The following PUDP variants were observed in gnomAD, a reference collection of about 807,000 sequenced individuals.
PUDP encodes the protein pseudouridine-5'-phosphatase.
Under a neutral mutation model 9.4 loss-of-function variants are expected in PUDP, and 8 were observed. The observed-to-expected ratio is 0.85, with a 90% CI of 0.50 to 1.53. The LOEUF is 1.53. PUDP is among the 40% of genes most tolerant of loss of function. PUDP has a pLI of 0.00. For synonymous variants in PUDP, 99 were observed against 80.7 expected, an observed-to-expected ratio of 1.23 and a Z score of -1.22; for missense variants, 188 against 189.7, an observed-to-expected ratio of 0.99 and a Z score of 0.05.
chrX:6,987,948 A>G (rs1008839594), intron 1 of PUDP, among the ~76,000 whole-genome samples: 1 of 111,708 alleles, frequency 9.0e-6, no homozygotes, highest in African/African-American at 3.3e-5. Context: ...TTTTGAGAAA[A>G]CTGAGGTTCT....
chrX:7,002,831 A>G (rs939662558), intron 1 of PUDP, among the ~76,000 whole-genome samples: 1 of 110,171 alleles, frequency 9.1e-6, no homozygotes, highest in Non-Finnish European at 1.9e-5. Context: ...ACAGGACAGA[A>G]CTATACGCAC....
intron 2 of PUDP, among the ~76,000 whole-genome samples, chrX:7,101,247 G>A (rs1931724139): frequency 9.0e-6 from 1 of 110,917 alleles, no homozygotes; most frequent in Non-Finnish European, 1.9e-5. Flanking sequence ...GCACACACAC[G>A]CGCACACACA....
chrX:7,059,747 G>T (rs1412216414), intron 3 of PUDP, among the ~76,000 whole-genome samples: 2 of 112,090 alleles, frequency 1.8e-5, no homozygotes, highest in African/African-American at 6.5e-5. Context: ...TCCACACATT[G>T]TCAGGACAGC....
chrX:7,117,413 T>C (rs1356586204), intron 1 of PUDP, among the ~76,000 whole-genome samples: 1 of 112,643 alleles, frequency 8.9e-6, no homozygotes, highest in African/African-American at 3.2e-5. Context: ...AGAACTTGGC[T>C]GCATTCTGTT....
chrX:6,827,777 A>C (rs1484506110), intron 3 of PUDP, among the ~76,000 whole-genome samples: 1 of 112,222 alleles, frequency 8.9e-6, no homozygotes, highest in Non-Finnish European at 1.9e-5. Flanking sequence ...TGAGTAGCTT[A>C]AACACAGAAG....
At chrX:6,874,780 T>A (rs1314487263) in intron 3 of PUDP, among the ~76,000 whole-genome samples, 1 of 112,389 alleles carries the variant, frequency 8.9e-6, no homozygotes, top group Non-Finnish European at 1.9e-5. Context: ...TATTGACTAA[T>A]GTTTCTTTTG....
intron 1 of PUDP, among the ~76,000 whole-genome samples, chrX:6,983,589 G>T (rs1395895955): frequency 1.8e-5 from 2 of 111,932 alleles, no homozygotes; most frequent in Non-Finnish European, 3.8e-5. Flanking sequence ...TTGGCTGGTG[G>T]TCTTTCATTT....
At chrX:7,037,012 C>T (rs1299142497) in intron 1 of PUDP, among the ~76,000 whole-genome samples, 3 of 112,076 alleles carry the variant, frequency 2.7e-5, no homozygotes, top group Non-Finnish European at 5.6e-5. Flanking sequence ...TTCTCATCTT[C>T]ATAAATCATG....
chrX:7,078,395 C>T (rs1486698260), intron 2 of PUDP, among the ~76,000 whole-genome samples: 2 of 112,007 alleles, frequency 1.8e-5, no homozygotes, highest in Non-Finnish European at 3.8e-5. Flanking sequence ...CAGGTTCAAG[C>T]GATTCTCCTG....
chrX:6,898,237 A>G lies in PUDP; in HGVS notation c.*247+78896T>C, dbSNP rs1407671934. Among the ~76,000 whole-genome samples the G allele has an allele frequency of 2.7e-5, 3 of 112,772 alleles. No homozygotes were observed. The Admixed American group carries it at 2.8e-4, about 11-fold the overall frequency. On this transcript the variant is annotated intron_variant and NMD_transcript_variant, in intron 3 of 3. Coordinates refer to the PUDP transcript ENST00000655425. The stretch of plus-strand genomic sequence containing the variant: ...TTCTGAGCATCCTCAGCTCCCCATC[A>G]TGGAAGTAGACACCTCTTGAAGGCA...
chrX:7,014,240 G>C (rs1385845759), intron 1 of PUDP, among the ~76,000 whole-genome samples: 8 of 110,283 alleles, frequency 7.3e-5, no homozygotes, highest in African/African-American at 2.3e-4. Context: ...ATGGGTACAG[G>C]ATAGGGGGAC....
intron 2 of PUDP, among the ~76,000 whole-genome samples, chrX:7,097,813 G>A (rs1487029623): frequency 9.0e-6 from 1 of 111,347 alleles, no homozygotes; most frequent in African/African-American, 3.3e-5. Flanking sequence ...GAAGACAACG[G>A]TGTAAGAAAA....
intron 3 of PUDP, among the ~76,000 whole-genome samples, chrX:7,059,481 A>G (rs150976605): frequency 1.8e-5 from 2 of 111,923 alleles, no homozygotes; most frequent in East Asian, 2.8e-4. Context: ...TGTGAAATCA[A>G]TTCATCTTAC....
At chrX:7,000,804 T>C (rs1371001743) in intron 1 of PUDP, among the ~76,000 whole-genome samples, 1 of 108,043 alleles carries the variant, frequency 9.3e-6, no homozygotes, top group Non-Finnish European at 1.9e-5. Flanking sequence ...TGATAAATAA[T>C]ACCTAGTTTA....
chrX:7,087,120 C>T (rs1201525851), intron 2 of PUDP, among the ~76,000 whole-genome samples: 2 of 111,747 alleles, frequency 1.8e-5, no homozygotes, highest in Non-Finnish European at 3.8e-5. Flanking sequence ...TCACCTAAAA[C>T]GTGGGAATAG....
chrX:6,803,612 C>A (rs779329890), intron 3 of PUDP, among the ~76,000 whole-genome samples: 1 of 112,365 alleles, frequency 8.9e-6, no homozygotes, highest in South Asian at 3.7e-4. Context: ...AACCTTATCT[C>A]AAATTTTGTC....
At chrX:7,058,238 T>C (rs1930303045) in intron 3 of PUDP, among the ~76,000 whole-genome samples, 1 of 112,425 alleles carries the variant, frequency 8.9e-6, no homozygotes, top group African/African-American at 3.2e-5. Context: ...TCATTGGAAC[T>C]AGTGAGCTTT....
At chrX:6,995,293 A>G (rs1292977939) in intron 1 of PUDP, among the ~76,000 whole-genome samples, 1 of 112,090 alleles carries the variant, frequency 8.9e-6, no homozygotes, top group East Asian at 2.8e-4. Context: ...CCTGTAAATG[A>G]ACCTAGGTAT....
At chrX:7,010,807 CA>C (rs1052088229) in intron 1 of PUDP, among the ~76,000 whole-genome samples, 3 of 111,892 alleles carry the variant, frequency 2.7e-5, no homozygotes, top group African/African-American at 9.8e-5. Flanking sequence ...GTAATGTGCC[CA>C]GCCCGGCCTT....
Sources: allele counts gnomAD v4.1 joint callset (sites outside exome capture counted in the v4.1 genomes callset), GRCh38; gene constraint gnomAD v4.1.1; transcripts MANE v1.5; gene names NCBI Gene and HGNC (gene_info 2026-07-23, HGNC 2026-07-21).